Variants in SLC48A1 observed in about 807,000 individuals in gnomAD.
SLC48A1 encodes solute carrier family 48 member 1, also known as heme transporter HRG1.
A neutral mutation model predicts 14.8 loss-of-function variants in SLC48A1; 6 were observed. The observed-to-expected ratio is 0.41, with a 90% CI of 0.22 to 0.80. The LOEUF (loss-of-function observed/expected upper bound fraction) is 0.80. Ranked by LOEUF, SLC48A1 falls within the 30% of genes least tolerant of loss-of-function variation. The pLI is 0.34. For missense variants in SLC48A1, 165 were observed against 204.8 expected (o/e 0.81, Z 1.19); for synonymous variants, 89 against 90.0 (o/e 0.99, Z 0.06).
upstream of SLC48A1, chr12:47,773,109 T>C (rs2136861517): frequency 5.2e-6 from 4 of 774,456 alleles, no homozygotes; most frequent in Non-Finnish European, 6.3e-6. Context: ...AAAGCGGCGG[T>C]GGCGTCTGCG....
chr12:47,777,310 C>G lies in SLC48A1; in HGVS notation c.137-1718C>G, dbSNP rs1178307646. Among the ~76,000 whole-genome samples, 1 of 152,160 alleles carries G rather than the reference C, an allele frequency of 6.6e-6. No homozygotes were observed. The highest frequency in any genetic ancestry group is 2.4e-5 in the African/African-American group (1 of 41,426). On this transcript the variant is annotated intron_variant, in intron 1 of 2. Transcript: ENST00000442218. This position sits in a 1 kb window ranked among gnomAD's most constrained non-coding sequence, Gnocchi z 4.5. ...GGAGGGGGACCCACATTCCAGGCCCCCACCCCCTGAGGAAGAGTGGAGGTG... is the reference window on the plus strand; with the variant it reads ...GGAGGGGGACCCACATTCCAGGCCCGCACCCCCTGAGGAAGAGTGGAGGTG...
chr12:47,759,363 G>A (rs1414419726), intron 1 of SLC48A1, among the ~76,000 whole-genome samples: 1 of 144,734 alleles, frequency 6.9e-6, no homozygotes, highest in Non-Finnish European at 1.5e-5. Flanking sequence ...GGGGAATCCC[G>A]CTGCCTTGCC....
At position 47,777,427 on chromosome 12, in the gene SLC48A1, G is replaced by T. The variant is rs1159839481; in HGVS notation, c.137-1601G>T. Among the ~76,000 whole-genome samples, 1 of 152,214 alleles carries T rather than the reference G, an allele frequency of 6.6e-6. No homozygotes were observed. The highest frequency in any genetic ancestry group is 1.5e-5 in the Non-Finnish European group (1 of 68,032). On this transcript the variant is annotated intron_variant, in intron 1 of 2. Transcript: ENST00000442218. This position sits in a 1 kb window ranked among gnomAD's most constrained non-coding sequence, Gnocchi z 4.5. ...GCTTGGTAGGCCTTCACCCTCACTA[G>T]GGTAGAACCCTGGGCCCAGTTACCT...
At chr12:47,773,080 A>G (rs1942659797), upstream of SLC48A1, 7 of 584,034 alleles carry the variant, frequency 1.2e-5, no homozygotes, top group Non-Finnish European at 1.1e-5. Flanking sequence ...CATTCCCCCA[A>G]ACGACACGGC....
rs1030082281 is a variant in SLC48A1 at position 47,773,303 on chromosome 12, C to T, written c.-2C>T. 3 of 1,453,112 alleles carry T rather than the reference C, an allele frequency of 2.1e-6. No homozygotes were observed. The African/African-American group carries it at 4.5e-5, about 22-fold the overall frequency. 90.0% of individuals were successfully genotyped at this position (1,453,112 alleles called of 1,614,324 possible). ...CCTCGGCCCGCCCGGCGCCGCAGCCCCATGGCCCCGTCCAGGCTGCAGCTC... is the reference window on the plus strand; with the variant it reads ...CCTCGGCCCGCCCGGCGCCGCAGCCTCATGGCCCCGTCCAGGCTGCAGCTC... On this transcript the variant is annotated 5_prime_UTR_variant, in exon 1 of 3. Coordinates refer to ENST00000442218, the MANE Select transcript of SLC48A1 (RefSeq NM_017842.3).
At chr12:47,771,133 TTA>T (rs2136858689), upstream of SLC48A1, 4 of 292,896 alleles carry the variant, frequency 1.4e-5, no homozygotes, top group Non-Finnish European at 2.8e-5. Flanking sequence ...GGGGCTGGGT[TTA>T]TTTTTTTATT....
chr12:47,761,578 G>A (rs1260568071), intron 2 of SLC48A1, among the ~76,000 whole-genome samples: 2 of 152,216 alleles, frequency 1.3e-5, no homozygotes, highest in Non-Finnish European at 2.9e-5. Flanking sequence ...GGACCCGACA[G>A]TAGAATTACT....
chr12:47,773,486 G>A, intron 1 of SLC48A1, 46 bp downstream of exon 1: 2 of 1,287,550 alleles, frequency 1.6e-6, no homozygotes, highest in Non-Finnish European at 2.0e-6. Flanking sequence ...GCGGCTGCGG[G>A]GCGGGCGCCG....
chr12:47,755,681 T>G (rs2136819169), upstream of SLC48A1: 1 of 152,366 alleles, frequency 6.6e-6, no homozygotes, highest in Non-Finnish European at 1.5e-5. Context: ...CCCGCTTTCA[T>G]TTTCTCTTGT....
intron 1 of SLC48A1, 22 bp downstream of exon 1, chr12:47,773,462 C>G: frequency 3.8e-6 from 5 of 1,318,884 alleles, no homozygotes; most frequent in Non-Finnish European, 4.9e-6. Flanking sequence ...CGCTGGGCGG[C>G]GCGGGGCGGG....
rs1942859381 is a variant in SLC48A1 at position 47,780,917 on chromosome 12, G to T, written c.*636G>T. The T allele has an allele frequency of 1.9e-6, 1 of 533,388 alleles. No homozygotes were observed. Among genetic ancestry groups the T allele is most frequent in the Admixed American group, 1.9e-5 (1 of 51,566 alleles). 33.0% of individuals were successfully genotyped at this position (533,388 alleles called of 1,614,324 possible). On this transcript the variant is annotated 3_prime_UTR_variant, in exon 3 of 3. Transcript: ENST00000442218. ...GAGGAATCTTTGTACTTAAGGCCAGGGCAACAAAGTCAAGAGGTCAAGGTG... is the reference window on the plus strand; with the variant it reads ...GAGGAATCTTTGTACTTAAGGCCAGTGCAACAAAGTCAAGAGGTCAAGGTG...
chr12:47,773,417 C>A lies in SLC48A1; in HGVS notation c.113C>A (p.Thr38Asn). The A allele has an allele frequency of 6.9e-7, 1 of 1,443,146 alleles. No individual in the cohort carries two copies. The highest frequency in any genetic ancestry group is 9.2e-7 in the Non-Finnish European group (1 of 1,091,912). 89.4% of individuals were successfully genotyped at this position (1,443,146 alleles called of 1,614,324 possible). The change falls in exon 1 of 3, where the codon ACC (threonine) becomes AAC (asparagine). Residue 38 changes from threonine to asparagine, a missense_variant. Physicochemically the swap from Thr to Asn is moderately conservative, Grantham distance 65. Transcript: ENST00000442218. The part of the protein sequence containing the change: ...VWTVVYRQPG[T>N]AAMGGLAGVL... ...ACGGTGGTCTACCGACAGCCGGGGA[C>A]CGCGGCCATGGGAGGGCTCGCAGGT...
rs1458928800 is a variant in SLC48A1, at chr12:47,780,708, A to G, written c.*427A>G. ...TGGCCTCTCAAGTAGCTGGGATTAC[A>G]GGCATCTGCCACCATGCCCGGCAAA... On this transcript the variant is annotated 3_prime_UTR_variant, in exon 3 of 3. Transcript: ENST00000442218. 1 of 395,352 alleles carries G rather than the reference A, an allele frequency of 2.5e-6. No homozygotes were observed. The highest frequency in any genetic ancestry group is 7.1e-5 in the East Asian group (1 of 13,988). 24.5% of individuals were successfully genotyped at this position (395,352 alleles called of 1,614,324 possible).
upstream of SLC48A1, chr12:47,756,056 C>G (rs1592580166): frequency 6.6e-6 from 1 of 152,380 alleles, no homozygotes; most frequent in Non-Finnish European, 1.5e-5. Flanking sequence ...TAAGTTCCCT[C>G]TAGTCACCAA....
chr12:47,779,567 T>C (rs1287421749), intron 2 of SLC48A1, among the ~76,000 whole-genome samples: 3 of 152,092 alleles, frequency 2.0e-5, no homozygotes, highest in Non-Finnish European at 4.4e-5. Context: ...TGGCCTAGGG[T>C]ATTTGTCACA....
Position 47,779,131 on chromosome 12 carries a change from C to T in SLC48A1, c.240C>T (p.Leu80=). Residue 80 remains leucine (L), a synonymous_variant, in exon 2 of 3, where the codon CTC becomes CTT. Transcript: ENST00000442218. ...GCGGCTTCTTCTTCGTGGGCGTCCT[C>T]TTCTCGGCCGTCTCCATCGCTGCCT... ...GLRGFFFVGV[L]FSAVSIAAFC... is the part of the protein sequence containing the mutation. 1 of 1,551,934 alleles carries T rather than the reference C, an allele frequency of 6.4e-7. No individual in the cohort carries two copies. Among genetic ancestry groups the T allele is most frequent in the Non-Finnish European group, 8.7e-7 (1 of 1,147,048 alleles).
In SLC48A1 at chr12:47,780,284, CA is replaced by C. The variant is rs1047808890; in HGVS notation, c.*4del. On this transcript the variant is annotated 3_prime_UTR_variant, in exon 3 of 3. Coordinates refer to ENST00000442218, the MANE Select transcript of SLC48A1 (RefSeq NM_017842.3). ...TCAGCATCCTCAGCGATTTCTGACC[CA>C]GGGGGTGAGGTCTCTGCACCCTGGG... The C allele has an allele frequency of 9.9e-6, 16 of 1,614,124 alleles. No homozygotes were observed. The highest frequency in any genetic ancestry group is 1.7e-5 in the Admixed American group (1 of 60,016).
In SLC48A1 at chr12:47,780,489, T is replaced by TTGC. The variant is rs1942843999; in HGVS notation, c.*210_*212dup. On this transcript the variant is annotated 3_prime_UTR_variant, in exon 3 of 3. Coordinates refer to ENST00000442218, the MANE Select transcript of SLC48A1 (RefSeq NM_017842.3). ...GTGGTAGAGAGGGGATCCTGCCATG[T>TTGC]TGCTCCTCATCAGCCTGGCCAGAGG... 2 of 810,116 alleles carry TTGC rather than the reference T, an allele frequency of 2.5e-6. No homozygotes were observed. Among genetic ancestry groups the TTGC allele is most frequent in the African/African-American group, 3.4e-5 (2 of 59,616 alleles). 50.2% of individuals were successfully genotyped at this position (810,116 alleles called of 1,614,324 possible).
chr12:47,756,924 G>A (rs1942096043), upstream of SLC48A1, among the ~76,000 whole-genome samples: 1 of 151,280 alleles, frequency 6.6e-6, no homozygotes, highest in South Asian at 2.1e-4. Context: ...AGCCAAGATT[G>A]CTTCACTGCA....
Sources: allele counts gnomAD v4.1 joint callset (sites outside exome capture counted in the v4.1 genomes callset), GRCh38; gene constraint gnomAD v4.1.1; non-coding constraint Gnocchi (gnomAD v3.1); transcripts MANE v1.5; gene names NCBI Gene and HGNC (gene_info 2026-07-23, HGNC 2026-07-21).